The following PTPRD variants were observed in gnomAD, a reference collection of about 807,000 sequenced individuals.
The protein encoded by PTPRD is receptor-type tyrosine-protein phosphatase delta.
Under a neutral mutation model 214.5 loss-of-function variants are expected in PTPRD, and 34 were observed. The ratio of observed to expected loss-of-function variants is 0.16; its 90% CI spans 0.12 to 0.21. PTPRD has a LOEUF of 0.21. PTPRD is among the 10% of genes least tolerant of loss of function. The probability of loss-of-function intolerance (pLI) is 1.00; values close to 1 mark genes in which losing one functional copy is unlikely to be tolerated. For missense variants in PTPRD, 2,545 were observed against 2,398.7 expected, an observed-to-expected ratio of 1.06 and a Z score of -1.27; for synonymous variants, 1,128 against 845.7, an observed-to-expected ratio of 1.33 and a Z score of -5.79.
intron 12 of PTPRD, among the ~76,000 whole-genome samples, chr9:8,652,856 T>G (rs113479880): frequency 1.3e-5 from 2 of 152,202 alleles, no homozygotes; most frequent in African/African-American, 4.8e-5. Flanking sequence ...CTAGATGAAT[T>G]TAATCTTAGA....
intron 25 of PTPRD, among the ~76,000 whole-genome samples, chr9:8,499,091 T>C (rs2097340012): frequency 6.6e-6 from 1 of 152,174 alleles, no homozygotes; most frequent in Non-Finnish European, 1.5e-5. Flanking sequence ...TCTGATTTAA[T>C]TTTTAATATC....
At chr9:8,702,760 A>AT (rs1321697657) in intron 12 of PTPRD, among the ~76,000 whole-genome samples, 16 of 152,174 alleles carry the variant, frequency 1.1e-4, no homozygotes, top group Non-Finnish European at 2.2e-4. Context: ...GGCGCCCGCC[A>AT]CTACGCCCAG....
chr9:8,818,674 C>G (rs956957559), intron 11 of PTPRD, among the ~76,000 whole-genome samples: 1 of 152,206 alleles, frequency 6.6e-6, no homozygotes, highest in Admixed American at 6.5e-5. Flanking sequence ...TGCCTAAGAA[C>G]AGACCAAATA....
intron 36 of PTPRD, among the ~76,000 whole-genome samples, chr9:8,404,309 A>C (rs895500123): frequency 2.0e-5 from 3 of 152,034 alleles, no homozygotes; most frequent in Admixed American, 6.5e-5. Context: ...TTGTATTCTC[A>C]GTAGAGATGG....
intron 9 of PTPRD, among the ~76,000 whole-genome samples, chr9:9,380,918 T>C: frequency 6.6e-6 from 1 of 152,172 alleles, no homozygotes; most frequent in African/African-American, 2.4e-5. Flanking sequence ...GAATTGACCT[T>C]TTTATCATTA....
At chr9:9,663,148 A>G (rs894753758) in intron 7 of PTPRD, among the ~76,000 whole-genome samples, 25 of 151,490 alleles carry the variant, frequency 1.7e-4, no homozygotes, top group African/African-American at 6.0e-4. Flanking sequence ...TTTTTTGATA[A>G]TCAAAAACTC....
In PTPRD at chr9:10,347,489, C is replaced by T. The variant is rs868373446; in HGVS notation, c.-599-6472G>A. ...GCAACGGCACAATCTCGGCTCACTG[C>T]AACCTCTGCCCCCTGGGTTCAAGCA... On this transcript the variant is annotated intron_variant, in intron 2 of 45. Coordinates refer to ENST00000381196, the MANE Select transcript of PTPRD (RefSeq NM_002839.4). Among the ~76,000 whole-genome samples the T allele has an allele frequency of 4.7e-5, 7 of 149,608 alleles. No individual in the cohort carries two copies. In the Middle Eastern group the frequency reaches 0.017, roughly 374 times the overall value.
chr9:10,296,082 G>A (rs1327746607), intron 3 of PTPRD, among the ~76,000 whole-genome samples: 3 of 152,056 alleles, frequency 2.0e-5, no homozygotes, highest in East Asian at 1.9e-4. Flanking sequence ...AACCACAGAT[G>A]GGAGAAAGCA....
At chr9:8,353,425 T>TATGA (rs71317360) in intron 39 of PTPRD, among the ~76,000 whole-genome samples, 19 of 151,244 alleles carry the variant, frequency 1.3e-4, no homozygotes, top group East Asian at 4.0e-4. Context: ...TTTATGAATG[T>TATGA]ATGAATGAAT....
intron 7 of PTPRD, among the ~76,000 whole-genome samples, chr9:9,622,160 G>A (rs2095265584): frequency 2.6e-5 from 4 of 152,142 alleles, no homozygotes; most frequent in Admixed American, 2.6e-4. Flanking sequence ...AGGCACTAAT[G>A]TTCTTCAAAT....
At chr9:9,787,076 G>A (rs2098929994) in intron 5 of PTPRD, among the ~76,000 whole-genome samples, 1 of 151,948 alleles carries the variant, frequency 6.6e-6, no homozygotes, top group South Asian at 2.1e-4. Flanking sequence ...AGCGGAGGTT[G>A]CAGTGATCTG....
intron 3 of PTPRD, among the ~76,000 whole-genome samples, chr9:10,303,043 G>C (rs1335056138): frequency 6.6e-6 from 1 of 151,986 alleles, no homozygotes; most frequent in Non-Finnish European, 1.5e-5. Context: ...CAAAACAATA[G>C]CAATCATAAC....
At chr9:8,616,853 T>C (rs1320772578) in intron 14 of PTPRD, among the ~76,000 whole-genome samples, 1 of 152,156 alleles carries the variant, frequency 6.6e-6, no homozygotes, top group African/African-American at 2.4e-5. Context: ...CTATTAATCC[T>C]GCTGAAGTGA....
intron 21 of PTPRD, among the ~76,000 whole-genome samples, chr9:8,510,062 T>G (rs536974308): frequency 1.3e-5 from 2 of 152,178 alleles, no homozygotes; most frequent in East Asian, 1.9e-4. Context: ...GTTGGGAGGA[T>G]GGCTTGAAGT....
chr9:8,368,797 A>C (rs769371011), intron 39 of PTPRD, among the ~76,000 whole-genome samples: 2 of 151,104 alleles, frequency 1.3e-5, no homozygotes, highest in Admixed American at 1.3e-4. Flanking sequence ...TTTTAACACT[A>C]TGTTGTTTCA....
intron 9 of PTPRD, among the ~76,000 whole-genome samples, chr9:9,341,175 C>T (rs1455148182): frequency 1.3e-5 from 2 of 151,744 alleles, no homozygotes; most frequent in African/African-American, 4.8e-5. Context: ...AGATTGTGGC[C>T]ACTTAATGCA....
intron 3 of PTPRD, among the ~76,000 whole-genome samples, chr9:10,186,224 T>C (rs1456431937): frequency 6.6e-6 from 1 of 152,018 alleles, no homozygotes; most frequent in Non-Finnish European, 1.5e-5. Flanking sequence ...AACCTGAGAG[T>C]CAATTATTCT....
At chr9:10,530,605 T>C (rs2055945340) in intron 2 of PTPRD, among the ~76,000 whole-genome samples, 1 of 152,120 alleles carries the variant, frequency 6.6e-6, no homozygotes, top group African/African-American at 2.4e-5. Context: ...GTGAGCTGTG[T>C]GTGAACATAG....
At chr9:9,389,045 A>C (rs2140799879) in intron 9 of PTPRD, among the ~76,000 whole-genome samples, 1 of 152,318 alleles carries the variant, frequency 6.6e-6, no homozygotes, top group Admixed American at 6.5e-5. Flanking sequence ...GCAAGTAACT[A>C]AACTTTTTCT....
Sources: gnomAD v4.1 joint callset for allele counts (sites outside exome capture counted in the v4.1 genomes callset) on GRCh38, gnomAD v4.1.1 for gene constraint, MANE v1.5 for transcripts, NCBI Gene and HGNC (gene_info 2026-07-23, HGNC 2026-07-21) for gene names.